ASIC2: variants seen among roughly 807,000 people sequenced by gnomAD.
The protein encoded by ASIC2 is acid-sensing ion channel 2.
A neutral mutation model predicts 57.3 loss-of-function variants in ASIC2; 25 were observed. The observed-to-expected ratio is 0.44, with a 90% CI of 0.32 to 0.61. The LOEUF (loss-of-function observed/expected upper bound fraction) is 0.61, where lower values mean the gene tolerates loss of function less well. Among genes scored for constraint, ASIC2 ranks in the 20% least tolerant of loss-of-function variants. The probability of loss-of-function intolerance (pLI) is 0.06; values close to 1 mark genes in which losing one functional copy is unlikely to be tolerated. For synonymous variants in ASIC2, 319 were observed against 307.5 expected, an observed-to-expected ratio of 1.04 and a Z score of -0.39; for missense variants, 641 against 738.1, an observed-to-expected ratio of 0.87 and a Z score of 1.52.
intron 3 of ASIC2, among the ~76,000 whole-genome samples, chr17:33,059,763 T>C (rs575975994): frequency 2.2e-3 from 331 of 152,370 alleles, no homozygotes; most frequent in Middle Eastern, 6.8e-3. Context: ...TGAACTAGTT[T>C]ACAGTCCCAT....
intron 1 of ASIC2, among the ~76,000 whole-genome samples, chr17:33,919,278 C>T (rs1040914797): frequency 6.6e-6 from 1 of 152,072 alleles, no homozygotes; most frequent in Non-Finnish European, 1.5e-5. Context: ...TGAGTCCAGT[C>T]GCTGATGAGC....
intron 1 of ASIC2, among the ~76,000 whole-genome samples, chr17:33,408,538 A>C (rs1222768998): frequency 6.6e-6 from 1 of 152,262 alleles, no homozygotes; most frequent in African/African-American, 2.4e-5. Flanking sequence ...ATGATGCTAT[A>C]GTAGGTAACT....
At chr17:33,316,388 G>A (rs950419367) in intron 1 of ASIC2, among the ~76,000 whole-genome samples, 3 of 152,152 alleles carry the variant, frequency 2.0e-5, no homozygotes, top group Non-Finnish European at 2.9e-5. Flanking sequence ...AGTGCTCTGC[G>A]TTCTAGGCAT....
intron 1 of ASIC2, among the ~76,000 whole-genome samples, chr17:33,404,862 T>C (rs1412971468): frequency 6.6e-6 from 1 of 152,222 alleles, no homozygotes; most frequent in Non-Finnish European, 1.5e-5. Flanking sequence ...ATTATATTAC[T>C]ACTTGATGTC....
At chr17:33,605,117 T>G (rs55652005) in intron 1 of ASIC2, among the ~76,000 whole-genome samples, 3,170 of 152,292 alleles carry the variant, frequency 0.021, 55 homozygotes, top group East Asian at 0.071. Flanking sequence ...CTGATTTAGC[T>G]GCATGTTCTC....
At chr17:33,468,199 G>A (rs181179189) in intron 1 of ASIC2, among the ~76,000 whole-genome samples, 77 of 152,300 alleles carry the variant, frequency 5.1e-4, no homozygotes, top group Admixed American at 4.2e-3. Flanking sequence ...CCCCAGCCAC[G>A]ATGGATTCCA....
At chr17:34,012,356 G>A (rs1906800448) in intron 1 of ASIC2, among the ~76,000 whole-genome samples, 1 of 152,162 alleles carries the variant, frequency 6.6e-6, no homozygotes, top group Non-Finnish European at 1.5e-5. Flanking sequence ...AAACGTCTCA[G>A]CCTTCTCTGG....
chr17:33,445,156 G>T (rs1911967993), intron 1 of ASIC2, among the ~76,000 whole-genome samples: 1 of 152,192 alleles, frequency 6.6e-6, no homozygotes, highest in Non-Finnish European at 1.5e-5. Flanking sequence ...GAAGACATGG[G>T]CTGGGTGCAG....
intron 1 of ASIC2, among the ~76,000 whole-genome samples, chr17:33,153,073 C>T (rs775680650): frequency 5.9e-5 from 9 of 152,140 alleles, no homozygotes; most frequent in African/African-American, 1.2e-4. Flanking sequence ...GTTTGAGGCT[C>T]GTAAAGCTCT....
intron 1 of ASIC2, among the ~76,000 whole-genome samples, chr17:33,401,130 C>CT (rs1166456891): frequency 2.6e-5 from 4 of 152,196 alleles, no homozygotes; most frequent in Non-Finnish European, 5.9e-5. Context: ...CCTTGAAGTG[C>CT]TTCCATCCGG....
At chr17:33,563,418 C>G (rs1281991190) in intron 1 of ASIC2, among the ~76,000 whole-genome samples, 1 of 152,200 alleles carries the variant, frequency 6.6e-6, no homozygotes, top group Non-Finnish European at 1.5e-5. Flanking sequence ...TCATTCCCAA[C>G]CCTGGCTCCT....
chr17:33,447,235 G>T (rs563520049), intron 1 of ASIC2, among the ~76,000 whole-genome samples: 3 of 151,968 alleles, frequency 2.0e-5, no homozygotes, highest in Non-Finnish European at 4.4e-5. Flanking sequence ...GTGGGTGGCC[G>T]GACCTGATGG....
intron 1 of ASIC2, among the ~76,000 whole-genome samples, chr17:33,540,594 C>T (rs1169774606): frequency 6.6e-6 from 1 of 152,136 alleles, no homozygotes; most frequent in Non-Finnish European, 1.5e-5. Flanking sequence ...GACCCATTTT[C>T]GCTGCCCTCA....
At chr17:33,431,369 G>A (rs1300795301) in intron 1 of ASIC2, among the ~76,000 whole-genome samples, 7 of 152,264 alleles carry the variant, frequency 4.6e-5, no homozygotes, top group Non-Finnish European at 8.8e-5. Flanking sequence ...CACTTTGAGA[G>A]GTCGAGGCGG....
intron 1 of ASIC2, among the ~76,000 whole-genome samples, chr17:33,950,061 C>T (rs2141984446): frequency 1.3e-5 from 2 of 152,300 alleles, no homozygotes; most frequent in South Asian, 2.1e-4. Context: ...GGAGAACAGT[C>T]CTGAGGCTGC....
At chr17:33,092,320 G>C (rs1432199872) in intron 2 of ASIC2, among the ~76,000 whole-genome samples, 2 of 152,268 alleles carry the variant, frequency 1.3e-5, no homozygotes, top group Non-Finnish European at 2.9e-5. Context: ...GCTCCCTGCA[G>C]TCCCTGCCCT....
intron 1 of ASIC2, among the ~76,000 whole-genome samples, chr17:33,876,591 T>C (rs1323247002): frequency 1.3e-5 from 2 of 152,222 alleles, no homozygotes; most frequent in Non-Finnish European, 2.9e-5. Flanking sequence ...ACTGTCCTCA[T>C]TTTATAAATA....
intron 1 of ASIC2, among the ~76,000 whole-genome samples, chr17:34,086,287 TCA>T (rs1910109601): frequency 6.6e-6 from 1 of 152,190 alleles, no homozygotes; most frequent in African/African-American, 2.4e-5. Context: ...TGCCTTCATT[TCA>T]TTATGTACCA....
chr17:33,512,176 C>T (rs973656351), intron 1 of ASIC2, among the ~76,000 whole-genome samples: 4 of 152,186 alleles, frequency 2.6e-5, no homozygotes, highest in African/African-American at 9.7e-5. Flanking sequence ...GTTCCAGGAG[C>T]TCAGTCTGAC....
Sources: gnomAD v4.1 joint callset for allele counts (sites outside exome capture counted in the v4.1 genomes callset) on GRCh38, gnomAD v4.1.1 for gene constraint, MANE v1.5 for transcripts, NCBI Gene and HGNC (gene_info 2026-07-23, HGNC 2026-07-21) for gene names.